Variants in CDH4 observed in about 807,000 individuals in gnomAD.
CDH4 encodes cadherin 4.
CDH4 carries 33 observed loss-of-function variants against 86.0 expected under a neutral mutation model. The observed-to-expected ratio is 0.38, with a 90% CI of 0.29 to 0.51. The LOEUF is 0.51. CDH4 is among the 20% of genes least tolerant of loss of function. The pLI is 0.86. For missense variants in CDH4, 1,114 were observed against 1,307.4 expected (o/e 0.85, Z 2.28); for synonymous variants, 555 against 549.4 (o/e 1.01, Z -0.14).
intron 2 of CDH4, among the ~76,000 whole-genome samples, chr20:61,682,803 T>A (rs1333340394): frequency 1.3e-5 from 2 of 152,150 alleles, no homozygotes; most frequent in East Asian, 3.8e-4. Flanking sequence ...GAATGTTGTA[T>A]TACTCTCACA....
intron 2 of CDH4, among the ~76,000 whole-genome samples, chr20:61,655,656 A>G (rs1313923669): frequency 6.6e-6 from 1 of 152,224 alleles, no homozygotes; most frequent in Non-Finnish European, 1.5e-5. Context: ...TTAGGTTGTC[A>G]GTGTGTTCCA....
intron 4 of CDH4, among the ~76,000 whole-genome samples, chr20:61,840,935 A>G (rs2146096166): frequency 6.6e-6 from 1 of 152,388 alleles, no homozygotes; most frequent in Non-Finnish European, 1.5e-5. Flanking sequence ...GCCAAAACGT[A>G]ATGAGCTTTC....
intron 2 of CDH4, among the ~76,000 whole-genome samples, chr20:61,685,232 G>T (rs576949675): frequency 1.3e-5 from 2 of 152,184 alleles, no homozygotes; most frequent in Non-Finnish European, 2.9e-5. Context: ...TCTCCCATGC[G>T]GTTTGGGTCT....
chr20:61,660,646 C>T (rs1472419352), intron 2 of CDH4, among the ~76,000 whole-genome samples: 1 of 152,152 alleles, frequency 6.6e-6, no homozygotes, highest in Non-Finnish European at 1.5e-5. Context: ...TCGTGGATGT[C>T]ACTGAGTCTG....
At chr20:61,545,040 C>T (rs1415036348) in intron 2 of CDH4, among the ~76,000 whole-genome samples, 1 of 152,214 alleles carries the variant, frequency 6.6e-6, no homozygotes, top group African/African-American at 2.4e-5. Context: ...TGGGCCCTCT[C>T]AGATGGCAGG....
At chr20:61,349,171 G>A (rs1327048808) in intron 2 of CDH4, among the ~76,000 whole-genome samples, 2 of 152,342 alleles carry the variant, frequency 1.3e-5, no homozygotes, top group East Asian at 3.9e-4. Context: ...GAACCGGCCT[G>A]CAGCCCCGAT....
At chr20:61,531,590 T>C (rs1486143450) in intron 2 of CDH4, among the ~76,000 whole-genome samples, 2 of 152,274 alleles carry the variant, frequency 1.3e-5, no homozygotes, top group South Asian at 4.1e-4. Flanking sequence ...ATGTGTGTTG[T>C]AAAAAGCTTT....
At chr20:61,627,807 G>T (rs1424921632) in intron 2 of CDH4, among the ~76,000 whole-genome samples, 1 of 152,056 alleles carries the variant, frequency 6.6e-6, no homozygotes, top group Non-Finnish European at 1.5e-5. Context: ...GCCCGCTAGG[G>T]TGGGGCAGGG....
rs149412075 is a variant in CDH4 at position 61,935,362 on chromosome 20, G to A, written c.2544+1142G>A. On this transcript the variant is annotated intron_variant, in intron 15 of 15. Coordinates refer to ENST00000614565, the MANE Select transcript of CDH4 (RefSeq NM_001794.5). The stretch of plus-strand genomic sequence containing the variant: ...AGATGAAATTCCTACAACTGCCCAC[G>A]CAGAAGCTGCTCTGACAACATGACG... Among the ~76,000 whole-genome samples the A allele has an allele frequency of 5.8e-4, 88 of 152,360 alleles. 1 individual carries two copies. In the East Asian group the frequency reaches 0.015, roughly 25 times the overall value.
chr20:61,363,889 A>C (rs71323510), intron 2 of CDH4, among the ~76,000 whole-genome samples: 2 of 152,222 alleles, frequency 1.3e-5, no homozygotes, highest in South Asian at 4.1e-4. Context: ...GAAAGTGGTA[A>C]CAGTAGAACC....
At chr20:61,782,771 TAGTTA>T (rs1462055673) in intron 4 of CDH4, among the ~76,000 whole-genome samples, 2 of 152,254 alleles carry the variant, frequency 1.3e-5, no homozygotes, top group East Asian at 3.9e-4. Flanking sequence ...GTATTTTCAT[TAGTTA>T]AGTTAATCAA....
At position 61,417,635 on chromosome 20, in the gene CDH4, G is replaced by A. The variant is rs186402453; in HGVS notation, c.169+162698G>A. ...TCTAGCAGGGCTGTAAATTGGCAGC[G>A]TGGATTGGGGAGCAAATTTCTAGCC... On this transcript the variant is annotated intron_variant, in intron 2 of 15. Coordinates refer to ENST00000614565, the MANE Select transcript of CDH4 (RefSeq NM_001794.5). The surrounding 1 kb of genome is among the most constrained non-coding windows in gnomAD (Gnocchi z 4.0). Among the ~76,000 whole-genome samples, 49 of 152,334 alleles carry A rather than the reference G, an allele frequency of 3.2e-4. No individual in the cohort carries two copies. Among genetic ancestry groups the A allele is most frequent in the African/African-American group, 9.6e-4 (40 of 41,590 alleles).
intron 2 of CDH4, among the ~76,000 whole-genome samples, chr20:61,362,778 GGAGGTGGCGA>G (rs1358934472): frequency 6.6e-5 from 10 of 152,136 alleles, no homozygotes; most frequent in Admixed American, 6.5e-4. Flanking sequence ...AGGGAAGGAA[GGAGGTGGCGA>G]GAGGATCATG....
chr20:61,521,972 G>T (rs559869867), intron 2 of CDH4, among the ~76,000 whole-genome samples: 27 of 152,366 alleles, frequency 1.8e-4, no homozygotes, highest in African/African-American at 5.5e-4. Flanking sequence ...TGGTGTAACT[G>T]GTTGAAGGTC....
chr20:61,737,780 T>G (rs988765606), intron 2 of CDH4, among the ~76,000 whole-genome samples: 1 of 152,180 alleles, frequency 6.6e-6, no homozygotes, highest in Non-Finnish European at 1.5e-5. Flanking sequence ...GGGATCAACA[T>G]GCTACCTTTG....
intron 2 of CDH4, among the ~76,000 whole-genome samples, chr20:61,694,105 G>T (rs1181575653): frequency 1.3e-5 from 2 of 151,984 alleles, no homozygotes; most frequent in Non-Finnish European, 2.9e-5. Context: ...TGTTGGCCAG[G>T]TTGGTCTTGA....
At chr20:61,693,884 C>CTTTTTTTTT (rs11479778) in intron 2 of CDH4, among the ~76,000 whole-genome samples, 2 of 82,698 alleles carry the variant, frequency 2.4e-5, no homozygotes, top group South Asian at 5.8e-4. Flanking sequence ...CTCTTTCTTT[C>CTTTTTTTTT]TTTTTTTTTT....
At chr20:61,697,597 C>T (rs1010333414) in intron 2 of CDH4, among the ~76,000 whole-genome samples, 1 of 152,138 alleles carries the variant, frequency 6.6e-6, no homozygotes, top group African/African-American at 2.4e-5. Flanking sequence ...GACTCCATCT[C>T]GGGGCGGGGG....
At chr20:61,536,448 G>T (rs2085997740) in intron 2 of CDH4, among the ~76,000 whole-genome samples, 1 of 151,772 alleles carries the variant, frequency 6.6e-6, no homozygotes, top group South Asian at 2.1e-4. Context: ...AGGAGGGAAA[G>T]AGGAAGGGGA....
Sources: gnomAD v4.1 joint callset for allele counts (sites outside exome capture counted in the v4.1 genomes callset) on GRCh38, gnomAD v4.1.1 for gene constraint, Gnocchi (gnomAD v3.1) non-coding constraint, MANE v1.5 for transcripts, NCBI Gene and HGNC (gene_info 2026-07-23, HGNC 2026-07-21) for gene names.